RBM46: variants seen among roughly 807,000 people sequenced by gnomAD.
The protein encoded by RBM46 is probable RNA-binding protein 46.
A neutral mutation model predicts 43.3 loss-of-function variants in RBM46; 12 were observed. The ratio of observed to expected loss-of-function variants is 0.28; its 90% CI spans 0.18 to 0.45. The LOEUF is 0.45. RBM46 is among the 20% of genes least tolerant of loss of function. The pLI is 1.00. For synonymous variants in RBM46, 205 were observed against 207.6 expected (o/e 0.99, Z 0.11); for missense variants, 412 against 639.1 (o/e 0.64, Z 3.83).
At chr4:154,825,543 G>A (rs1023722810) in intron 4 of RBM46, among the ~76,000 whole-genome samples, 1 of 152,106 alleles carries the variant, frequency 6.6e-6, no homozygotes, top group African/African-American at 2.4e-5. Context: ...ATTTGTGAAG[G>A]ATTTTTTTCC....
chr4:154,809,960 A>G (rs1375920762), intron 4 of RBM46, among the ~76,000 whole-genome samples: 2 of 152,158 alleles, frequency 1.3e-5, no homozygotes, highest in Admixed American at 6.5e-5. Context: ...ATGAGGTAAA[A>G]CCATAAAAAT....
At chr4:154,820,313 G>T in intron 4 of RBM46, 1 of 1,209,358 alleles carries the variant, frequency 8.3e-7, no homozygotes, top group South Asian at 1.5e-5. Context: ...CCAAGATAGG[G>T]ATAACATCAA....
chr4:154,816,244 A>C (rs1215142764), intron 4 of RBM46, among the ~76,000 whole-genome samples: 1 of 152,034 alleles, frequency 6.6e-6, no homozygotes, highest in Non-Finnish European at 1.5e-5. Context: ...TGAATTTTAG[A>C]ATCAGTTTGT....
intron 4 of RBM46, among the ~76,000 whole-genome samples, chr4:154,811,539 C>A (rs931490723): frequency 6.6e-6 from 1 of 152,048 alleles, no homozygotes; most frequent in Non-Finnish European, 1.5e-5. Context: ...AGTTTCCAAT[C>A]ATATGTAATA....
intron 4 of RBM46, among the ~76,000 whole-genome samples, chr4:154,816,669 C>A (rs907156617): frequency 1.3e-5 from 2 of 151,794 alleles, no homozygotes; most frequent in East Asian, 3.9e-4. Flanking sequence ...CCTTTCCATC[C>A]TTTATACACA....
At chr4:154,807,366 C>T (rs375356010) in intron 4 of RBM46, among the ~76,000 whole-genome samples, 18 of 151,416 alleles carry the variant, frequency 1.2e-4, no homozygotes, top group African/African-American at 3.9e-4. Flanking sequence ...TCAGAAAAAT[C>T]TCTGTGAAAT....
intron 1 of RBM46, 122 bp from the exon 2 acceptor site, chr4:154,796,620 G>T: frequency 1.5e-6 from 1 of 659,798 alleles, no homozygotes; most frequent in Non-Finnish European, 2.5e-6. Context: ...TCAGAGGACA[G>T]TGAAGGCTAA....
rs1328826908 is a variant in RBM46, at chr4:154,798,928, T to A, written c.766T>A (p.Phe256Ile). The A allele has an allele frequency of 1.2e-6, 2 of 1,613,438 alleles. No individual in the cohort carries two copies. The highest frequency in any genetic ancestry group is 8.5e-7 in the Non-Finnish European group (1 of 1,179,832). ...STTEETIKAE[F>I]NKFKPGAVER... The stretch of plus-strand genomic sequence containing the variant: ...TACAGAGGAAACAATTAAAGCAGAA[T>A]TCAATAAATTTAAGCCTGGTGCAGT... The change falls in exon 4 of 5, where the codon TTC (phenylalanine) becomes ATC (isoleucine). Residue 256 changes from phenylalanine (F) to isoleucine (I), a missense_variant. Phe to Ile is a conservative substitution (Grantham distance 21). This residue lies in a region of RBM46 where 54 missense variants were observed against 102.5 expected (regional missense o/e 0.53). Coordinates refer to ENST00000281722, the MANE Select transcript of RBM46 (RefSeq NM_144979.5).
chr4:154,827,744 C>A (rs1045548292), intron 4 of RBM46, 124 bp from the exon 5 acceptor site: 10 of 1,524,040 alleles, frequency 6.6e-6, no homozygotes, highest in Non-Finnish European at 8.8e-6. Flanking sequence ...AATATAGTAT[C>A]ATCAAGATTT....
chr4:154,787,869 C>T (rs1373008639), intron 1 of RBM46, among the ~76,000 whole-genome samples: 1 of 152,252 alleles, frequency 6.6e-6, no homozygotes, highest in African/African-American at 2.4e-5. Flanking sequence ...TATTAATAGT[C>T]ACCATTCTAA....
In RBM46 at chr4:154,799,115, A is replaced by C; in HGVS notation, c.953A>C (p.His318Pro). The change falls in exon 4 of 5, where the codon CAT becomes CCT. Residue 318 changes from histidine (H) to proline (P), a missense_variant. By Grantham distance (77) the His-to-Pro change is moderately conservative. This residue lies in a region of RBM46 where 105 missense variants were observed against 111.0 expected (regional missense o/e 0.95). Coordinates refer to ENST00000281722, the MANE Select transcript of RBM46 (RefSeq NM_144979.5). ...PVNKENTWRQ[H>P]LNGQISPNSE... ...AATAAAGAAAACACTTGGAGACAGC[A>C]TCTTAATGGTCAGATTAGTCCAAAT... The C allele has an allele frequency of 6.2e-7, 1 of 1,614,130 alleles. No homozygotes were observed. The highest frequency in any genetic ancestry group is 8.5e-7 in the Non-Finnish European group (1 of 1,179,984).
At chr4:154,815,979 A>G (rs1047919688) in intron 4 of RBM46, among the ~76,000 whole-genome samples, 1 of 152,010 alleles carries the variant, frequency 6.6e-6, no homozygotes, top group African/African-American at 2.4e-5. Context: ...TTTTTTGAAG[A>G]CTTGCCATTT....
At position 154,820,841 on chromosome 4, in the gene RBM46, C is replaced by G. The variant is rs73855240; in HGVS notation, c.1403-7027C>G. 9.9e-3 allele frequency among the ~76,000 whole-genome samples: 1,504 copies of G among 151,920 alleles called. 14 individuals are homozygous for G. Among genetic ancestry groups the G allele is most frequent in the African/African-American group, 0.034 (1,421 of 41,514 alleles). ...ACTAAGATTTAGTGTTTAGTTTATTCAACAAGGTACTTCTTGAGGAAGATA... is the reference window on the plus strand; with the variant it reads ...ACTAAGATTTAGTGTTTAGTTTATTGAACAAGGTACTTCTTGAGGAAGATA... On this transcript the variant is annotated intron_variant, in intron 4 of 4. Coordinates refer to ENST00000281722, the MANE Select transcript of RBM46 (RefSeq NM_144979.5).
intron 4 of RBM46, among the ~76,000 whole-genome samples, chr4:154,815,063 T>C (rs1368238799): frequency 4.6e-5 from 7 of 152,048 alleles, no homozygotes; most frequent in Non-Finnish European, 1.0e-4. Context: ...ACTTATTCTA[T>C]GTATTTTTGA....
chr4:154,797,733 G>A, intron 2 of RBM46, 78 bp from the exon 3 acceptor site: 1 of 1,011,324 alleles, frequency 9.9e-7, no homozygotes, highest in Non-Finnish European at 1.4e-6. Context: ...CAGCAAATTT[G>A]TTGAATGAAT....
intron 1 of RBM46, among the ~76,000 whole-genome samples, chr4:154,782,609 GGGAGTAGCT>G (rs1733549521): frequency 6.6e-6 from 1 of 152,008 alleles, no homozygotes; most frequent in Non-Finnish European, 1.5e-5. Context: ...TCAAACTCTC[GGGAGTAGCT>G]GGGACTACAG....
At chr4:154,809,686 T>C (rs1735085494) in intron 4 of RBM46, among the ~76,000 whole-genome samples, 1 of 152,098 alleles carries the variant, frequency 6.6e-6, no homozygotes, top group Admixed American at 6.6e-5. Flanking sequence ...GAGATGACAT[T>C]GTTTCATACT....
rs149643043 is a variant in RBM46 at position 154,799,555 on chromosome 4, C to T, written c.1393C>T (p.Leu465Phe). Residue 465 changes from leucine to phenylalanine, a missense_variant, in exon 4 of 5, where the codon CTT becomes TTT. Physicochemically the swap from Leu to Phe is conservative, Grantham distance 22. This residue lies in a region of RBM46 where 149 missense variants were observed against 156.3 expected (regional missense o/e 0.95). Transcript: ENST00000281722. ...GGAACTGGCAGCCCAGTTTACATTACTTCATTTGGGTAAGTTTAAAAATAC... is the reference window on the plus strand; with the variant it reads ...GGAACTGGCAGCCCAGTTTACATTATTTCATTTGGGTAAGTTTAAAAATAC... ...AKELAAQFTL[L>F]HLDYNFHRSS... 4 of 1,540,556 alleles carry T rather than the reference C, an allele frequency of 2.6e-6. No individual in the cohort carries two copies. Among genetic ancestry groups the T allele is most frequent in the East Asian group, 2.3e-5 (1 of 44,018 alleles).
chr4:154,790,534 C>T (rs1358668168), intron 1 of RBM46: 1 of 152,146 alleles, frequency 6.6e-6, no homozygotes, highest in African/African-American at 2.4e-5. Context: ...TTCAGAATAT[C>T]ACATATACCT....
Sources: gnomAD v4.1 joint callset for allele counts (sites outside exome capture counted in the v4.1 genomes callset) on GRCh38, gnomAD v4.1.1 for gene constraint, gnomAD v4.1.1 regional missense constraint, MANE v1.5 for transcripts, NCBI Gene and HGNC (gene_info 2026-07-23, HGNC 2026-07-21) for gene names.